The following SGPP2 variants were observed in gnomAD, a reference collection of about 807,000 sequenced individuals.
SGPP2 encodes sphingosine-1-phosphate phosphatase 2.
Under a neutral mutation model 33.9 loss-of-function variants are expected in SGPP2, and 30 were observed. The ratio of observed to expected loss-of-function variants is 0.89; its 90% CI spans 0.66 to 1.20. The LOEUF is 1.20. SGPP2 is among the 50% of genes most tolerant of loss of function. The probability of loss-of-function intolerance (pLI) is 0.00; values close to 1 mark genes in which losing one functional copy is unlikely to be tolerated. For synonymous variants in SGPP2, 233 were observed against 225.0 expected (o/e 1.04, Z -0.32); for missense variants, 458 against 532.1 (o/e 0.86, Z 1.37).
intron 3 of SGPP2, among the ~76,000 whole-genome samples, chr2:222,522,151 G>A (rs1483719294): frequency 2.0e-5 from 3 of 152,236 alleles, no homozygotes; most frequent in African/African-American, 7.2e-5. Context: ...GGTTATGCCT[G>A]TGTGTGAACA....
At chr2:222,489,064 GAAAC>G (rs1399588530) in intron 2 of SGPP2, among the ~76,000 whole-genome samples, 1 of 152,112 alleles carries the variant, frequency 6.6e-6, no homozygotes, top group Non-Finnish European at 1.5e-5. Context: ...TAATATTGGT[GAAAC>G]AAACAAAGGC....
intron 2 of SGPP2, among the ~76,000 whole-genome samples, chr2:222,498,853 A>G (rs185875810): frequency 6.6e-6 from 1 of 152,198 alleles, no homozygotes; most frequent in East Asian, 1.9e-4. Flanking sequence ...TTTACTTATA[A>G]TTTACTTATA....
At position 222,465,902 on chromosome 2, in the gene SGPP2, C is replaced by T. The variant is rs1020855140; in HGVS notation, c.220-8666C>T. Among the ~76,000 whole-genome samples the T allele has an allele frequency of 6.6e-6, 1 of 152,188 alleles. No homozygotes were observed. The highest frequency in any genetic ancestry group is 2.4e-5 in the African/African-American group (1 of 41,448). On this transcript the variant is annotated intron_variant, in intron 1 of 4. Transcript: ENST00000321276. This position sits in a 1 kb window ranked among gnomAD's most constrained non-coding sequence, Gnocchi z 4.1. ...ACCTCTCCTTATCCAGGGCTCAGCT[C>T]AAATGGCTCCTCTGTGGCAAGCATC...
chr2:222,466,360 G>A (rs916963085), intron 1 of SGPP2, among the ~76,000 whole-genome samples: 2 of 148,174 alleles, frequency 1.3e-5, no homozygotes, highest in African/African-American at 5.0e-5. Context: ...CTGGGTTCAA[G>A]CGATTCTCTT....
chr2:222,505,681 C>G (rs1285334741), intron 2 of SGPP2, among the ~76,000 whole-genome samples: 2 of 151,990 alleles, frequency 1.3e-5, no homozygotes, highest in Non-Finnish European at 2.9e-5. Context: ...CACCTGTAAT[C>G]CCAGCACTTT....
chr2:222,529,348 T>A (rs1215850069), intron 4 of SGPP2, among the ~76,000 whole-genome samples: 1 of 152,144 alleles, frequency 6.6e-6, no homozygotes, highest in African/African-American at 2.4e-5. Flanking sequence ...TTTTTTTAAT[T>A]TTTTGAGACA....
At chr2:222,531,812 G>C (rs1249188862) in intron 4 of SGPP2, among the ~76,000 whole-genome samples, 1 of 152,096 alleles carries the variant, frequency 6.6e-6, no homozygotes, top group Non-Finnish European at 1.5e-5. Context: ...CTAATGATCT[G>C]TCTTCCATGC....
At chr2:222,493,903 T>C (rs769126363) in intron 2 of SGPP2, among the ~76,000 whole-genome samples, 20 of 152,208 alleles carry the variant, frequency 1.3e-4, no homozygotes, top group Non-Finnish European at 2.2e-4. Context: ...AAATCAAGAC[T>C]AATCTGTTCA....
intron 4 of SGPP2, among the ~76,000 whole-genome samples, chr2:222,538,465 A>G (rs1559173626): frequency 6.6e-6 from 1 of 152,142 alleles, no homozygotes; most frequent in Non-Finnish European, 1.5e-5. Context: ...AAGCAAGGTG[A>G]TCCTCTCTGT....
intron 2 of SGPP2, among the ~76,000 whole-genome samples, chr2:222,494,831 T>A (rs898684449): frequency 3.9e-5 from 6 of 152,226 alleles, no homozygotes; most frequent in African/African-American, 1.2e-4. Flanking sequence ...AAGAAGTTTG[T>A]CTTTTTCTCT....
intron 1 of SGPP2, among the ~76,000 whole-genome samples, chr2:222,473,711 G>A (rs2106095350): frequency 6.6e-6 from 1 of 152,254 alleles, no homozygotes. Context: ...GATCACCTGA[G>A]GTTGGGAGTT....
intron 1 of SGPP2, chr2:222,452,828 C>T (rs918660438): frequency 1.7e-5 from 27 of 1,605,690 alleles, no homozygotes; most frequent in African/African-American, 1.3e-4. Context: ...TGCTATTCTG[C>T]GGCCAGTTGT....
rs2106049527 is a variant in SGPP2 at position 222,424,554 on chromosome 2, GC to G, written c.-48del. The G allele has an allele frequency of 1.7e-6, 2 of 1,161,510 alleles. No individual in the cohort carries two copies. Among genetic ancestry groups the G allele is most frequent in the Admixed American group, 8.8e-5 (2 of 22,622 alleles). The allele number at this position is 1,161,510 out of a possible 1,614,324, so 72.0% of individuals were successfully genotyped here. A position where few individuals can be genotyped will look rare whatever the true frequency, so the allele number is the denominator to read the frequency against. On this transcript the variant is annotated 5_prime_UTR_variant, in exon 1 of 5. Coordinates refer to ENST00000321276, the MANE Select transcript of SGPP2 (RefSeq NM_152386.4). The stretch of plus-strand genomic sequence containing the variant: ...GCGGGAGTGGCGGTGCCAGCGGAGG[GC>G]ACCGGCCCGGCGTGGCAGCGGCGGC...
rs13417290 is a variant in SGPP2 at position 222,562,328 on chromosome 2, T to C, written c.*3430T>C. Among the ~76,000 whole-genome samples, 552 of 152,304 alleles carry C rather than the reference T, an allele frequency of 3.6e-3. 3 individuals carry two copies. The highest frequency in any genetic ancestry group is 0.013 in the African/African-American group (531 of 41,564). On this transcript the variant is annotated 3_prime_UTR_variant, in exon 5 of 5. Coordinates refer to ENST00000321276, the MANE Select transcript of SGPP2 (RefSeq NM_152386.4). ...TGCTCAAACCTGCACCGTCACAAGA[T>C]ATTCAGAAGATGAAAACGTAGAAGA... is the stretch of plus-strand genomic sequence containing the variant.
At chr2:222,498,384 G>A (rs1345529840) in intron 2 of SGPP2, 1 of 152,140 alleles carries the variant, frequency 6.6e-6, no homozygotes, top group African/African-American at 2.4e-5. Flanking sequence ...AATTCATGGA[G>A]CATTCCATTT....
chr2:222,464,551 T>C (rs975244665), intron 1 of SGPP2, among the ~76,000 whole-genome samples: 2 of 152,234 alleles, frequency 1.3e-5, no homozygotes, highest in African/African-American at 4.8e-5. Flanking sequence ...GGCATGATCA[T>C]GGCTCACTGG....
chr2:222,476,078 G>A lies in SGPP2; in HGVS notation c.378+1352G>A, dbSNP rs968076454. 8.5e-5 allele frequency among the ~76,000 whole-genome samples: 13 copies of A among 152,282 alleles called. No individual in the cohort carries two copies. The highest frequency in any genetic ancestry group is 2.0e-4 in the Admixed American group (3 of 15,300). ...TCAAAGGTTATTTAGCTGGTGGAGGGAACTTCCAGACAAGACTGTTGCCCT... is the reference window on the plus strand; with the variant it reads ...TCAAAGGTTATTTAGCTGGTGGAGGAAACTTCCAGACAAGACTGTTGCCCT... On this transcript the variant is annotated intron_variant, in intron 2 of 4. Transcript: ENST00000321276. The surrounding 1 kb of genome is among the most constrained non-coding windows in gnomAD (Gnocchi z 4.3).
intron 2 of SGPP2, among the ~76,000 whole-genome samples, chr2:222,500,328 G>A (rs1328126706): frequency 4.6e-5 from 7 of 152,126 alleles, no homozygotes. Context: ...CCAGCTGGAT[G>A]TCTCGTTTTC....
At chr2:222,445,382 G>A (rs1429884464) in intron 1 of SGPP2, among the ~76,000 whole-genome samples, 1 of 152,214 alleles carries the variant, frequency 6.6e-6, no homozygotes, top group East Asian at 1.9e-4. Flanking sequence ...TTGCTTTCCA[G>A]TTCCAGTTGC....
Sources: gnomAD v4.1 joint callset for allele counts (sites outside exome capture counted in the v4.1 genomes callset) on GRCh38, gnomAD v4.1.1 for gene constraint, Gnocchi (gnomAD v3.1) non-coding constraint, MANE v1.5 for transcripts, NCBI Gene and HGNC (gene_info 2026-07-23, HGNC 2026-07-21) for gene names.